ERICH5: variants seen among roughly 807,000 people sequenced by gnomAD.
The protein encoded by ERICH5 is glutamate rich 5.
ERICH5 carries 24 observed loss-of-function variants against 28.0 expected under a neutral mutation model. The observed-to-expected ratio is 0.86, with a 90% CI of 0.62 to 1.21. ERICH5 has a LOEUF of 1.21. Ranked by LOEUF, ERICH5 falls within the 50% of genes most tolerant of loss-of-function variation. The pLI is 0.00. For missense variants in ERICH5, 421 were observed against 441.2 expected (o/e 0.95, Z 0.41); for synonymous variants, 163 against 157.6 (o/e 1.03, Z -0.25).
chr8:98,084,442 G>T (rs539887765), intron 1 of ERICH5, among the ~76,000 whole-genome samples: 14 of 152,164 alleles, frequency 9.2e-5, no homozygotes, highest in African/African-American at 3.1e-4. Context: ...GAGTGCAATG[G>T]CGTGATCTTG....
In ERICH5 at chr8:98,089,611, A is replaced by G. The variant is rs1815345123; in HGVS notation, c.594A>G (p.Gln198=). 6 of 1,614,066 alleles carry G rather than the reference A, an allele frequency of 3.7e-6. No individual in the cohort carries two copies. Among genetic ancestry groups the G allele is most frequent in the South Asian group, 3.3e-5 (3 of 91,086 alleles). ...CAACTGAGAACGTTCTGACTCTGCA[A>G]ATAGCTGGAGAGCTACAACCTCAGG... The part of the protein sequence containing the change: ...LGTTENVLTL[Q]IAGELQPQGT... Residue 198 remains glutamine (Q), a synonymous_variant, in exon 2 of 3, where the codon CAA becomes CAG. Coordinates refer to ENST00000318528, the MANE Select transcript of ERICH5 (RefSeq NM_173549.3).
At chr8:98,081,405 C>T (rs543883231) in intron 1 of ERICH5, among the ~76,000 whole-genome samples, 1 of 152,328 alleles carries the variant, frequency 6.6e-6, no homozygotes, top group East Asian at 1.9e-4. Flanking sequence ...CACACCCAGA[C>T]ACTGTGCACC....
At chr8:98,065,310 G>C (rs1427696452) in intron 1 of ERICH5, among the ~76,000 whole-genome samples, 3 of 152,198 alleles carry the variant, frequency 2.0e-5, no homozygotes, top group African/African-American at 7.2e-5. Flanking sequence ...AAGATGCGGA[G>C]AATCCAGAGG....
chr8:98,072,647 T>TAAATTA (rs746433640), intron 1 of ERICH5, among the ~76,000 whole-genome samples: 1 of 151,982 alleles, frequency 6.6e-6, no homozygotes, highest in Non-Finnish European at 1.5e-5. Flanking sequence ...AAAAAAAAAT[T>TAAATTA]AAATTAAAAT....
rs114181130 is a variant in ERICH5 at position 98,076,825 on chromosome 8, A to C, written c.58+12098A>C. On this transcript the variant is annotated intron_variant, in intron 1 of 2. Transcript: ENST00000318528. ...AGCCCAAGATTCAGCATTGAAAAAA[A>C]AAATTCCCAGGTCATGCTGATGGTG... Among the ~76,000 whole-genome samples, 1,110 of 152,010 alleles carry C rather than the reference A, an allele frequency of 7.3e-3. 14 individuals are homozygous for C. Among genetic ancestry groups the C allele is most frequent in the African/African-American group, 0.025 (1,043 of 41,488 alleles).
At chr8:98,072,843 A>AC (rs1814942647) in intron 1 of ERICH5, among the ~76,000 whole-genome samples, 1 of 152,018 alleles carries the variant, frequency 6.6e-6, no homozygotes, top group South Asian at 2.1e-4. Flanking sequence ...ATTATAATGA[A>AC]CCTTTTGTCT....
At chr8:98,091,854 TTC>T (rs1815394664) in intron 2 of ERICH5, among the ~76,000 whole-genome samples, 4 of 85,834 alleles carry the variant, frequency 4.7e-5, no homozygotes, top group Non-Finnish European at 7.1e-5. Flanking sequence ...CTTTCTTTCT[TTC>T]TTTCTTTCTT....
chr8:98,073,520 A>G (rs1359156779), intron 1 of ERICH5, among the ~76,000 whole-genome samples: 4 of 9,822 alleles, frequency 4.1e-4, no homozygotes, highest in Non-Finnish European at 6.1e-4. Flanking sequence ...ATATATGTAT[A>G]TATATATATA....
chr8:98,075,785 C>CTTTTTTTTTTTTTTTTTTTT lies in ERICH5; in HGVS notation c.58+11077_58+11078insTTTTTTTTTTTTTTTTTTTT, dbSNP rs1296283210. Among the ~76,000 whole-genome samples, 22 of 81,648 alleles carry CTTTTTTTTTTTTTTTTTTTT rather than the reference C, an allele frequency of 2.7e-4. 4 individuals are homozygous for CTTTTTTTTTTTTTTTTTTTT. Among genetic ancestry groups the CTTTTTTTTTTTTTTTTTTTT allele is most frequent in the African/African-American group, 4.6e-4 (10 of 21,718 alleles). The allele number at this position is 81,648 out of a possible 152,430, so 53.6% of individuals were successfully genotyped here. A position where few individuals can be genotyped will look rare whatever the true frequency, so the allele number is the denominator to read the frequency against. ...TAACTCCCATCTCAAGCACACCTGC[C>CTTTTTTTTTTTTTTTTTTTT]TTTTTTTTTTTTTTTTTTTGAGACA... On this transcript the variant is annotated intron_variant, in intron 1 of 2. Transcript: ENST00000318528.
At chr8:98,088,969 T>C in intron 1 of ERICH5, 107 bp from the exon 2 acceptor site, 2 of 824,924 alleles carry the variant, frequency 2.4e-6, no homozygotes, top group Non-Finnish European at 1.9e-6. Context: ...TGGAACTGTC[T>C]TGAACTGTTA....
intron 1 of ERICH5, among the ~76,000 whole-genome samples, chr8:98,079,174 T>C (rs904593282): frequency 7.5e-6 from 1 of 132,958 alleles, no homozygotes; most frequent in East Asian, 2.1e-4. Flanking sequence ...TCCTTTTTTT[T>C]TTTTTTTTTT....
intron 1 of ERICH5, among the ~76,000 whole-genome samples, chr8:98,085,704 A>C (rs571488838): frequency 6.6e-6 from 1 of 152,326 alleles, no homozygotes; most frequent in South Asian, 2.1e-4. Context: ...GAGGATAAAA[A>C]TCTAAACTCT....
chr8:98,070,225 T>C (rs1011782512), intron 1 of ERICH5, among the ~76,000 whole-genome samples: 4 of 152,064 alleles, frequency 2.6e-5, no homozygotes, highest in South Asian at 2.1e-4. Flanking sequence ...GCCTTACACA[T>C]AGAACATATG....
chr8:98,075,085 T>C (rs921275738), intron 1 of ERICH5, among the ~76,000 whole-genome samples: 7 of 152,144 alleles, frequency 4.6e-5, no homozygotes, highest in African/African-American at 1.2e-4. Context: ...ACTGGAGTTA[T>C]GGGTTTTTGG....
chr8:98,077,858 C>T (rs1815087546), intron 1 of ERICH5, among the ~76,000 whole-genome samples: 1 of 152,196 alleles, frequency 6.6e-6, no homozygotes, highest in Admixed American at 6.6e-5. Flanking sequence ...GCGTGAGTCA[C>T]CATGCCTAGC....
chr8:98,091,157 C>G (rs1586208633), intron 2 of ERICH5, among the ~76,000 whole-genome samples: 1 of 152,170 alleles, frequency 6.6e-6, no homozygotes, highest in Admixed American at 6.5e-5. Flanking sequence ...AGGCTGGTCT[C>G]CAGCTCCTGA....
chr8:98,085,528 G>T (rs1053802389), intron 1 of ERICH5, among the ~76,000 whole-genome samples: 1 of 151,672 alleles, frequency 6.6e-6, no homozygotes, highest in Non-Finnish European at 1.5e-5. Flanking sequence ...GGTTTGGGCT[G>T]TTACAAATAA....
At chr8:98,087,979 T>G (rs1391387860) in intron 1 of ERICH5, among the ~76,000 whole-genome samples, 1 of 151,956 alleles carries the variant, frequency 6.6e-6, no homozygotes, top group Non-Finnish European at 1.5e-5. Context: ...CCTAGGACTT[T>G]GGGAAGCTGC....
intron 1 of ERICH5, among the ~76,000 whole-genome samples, chr8:98,085,957 A>G (rs1474621616): frequency 6.6e-6 from 1 of 152,186 alleles, no homozygotes. Flanking sequence ...GGTACCAGAG[A>G]GCAGAGCCTG....
Sources: allele counts gnomAD v4.1 joint callset (sites outside exome capture counted in the v4.1 genomes callset), GRCh38; gene constraint gnomAD v4.1.1; transcripts MANE v1.5; gene names NCBI Gene and HGNC (gene_info 2026-07-23, HGNC 2026-07-21).